Variants in CCNY observed in about 807,000 individuals in gnomAD.
CCNY encodes the protein cyclin-Y.
Under a neutral mutation model 42.8 loss-of-function variants are expected in CCNY, and 19 were observed. The observed-to-expected ratio is 0.44, with a 90% CI of 0.31 to 0.65. CCNY has a LOEUF of 0.65. CCNY is among the 30% of genes least tolerant of loss of function. The probability of loss-of-function intolerance (pLI) is 0.07; values close to 1 mark genes in which losing one functional copy is unlikely to be tolerated. For synonymous variants in CCNY, 165 were observed against 162.7 expected (o/e 1.01, Z -0.11); for missense variants, 370 against 437.3 (o/e 0.85, Z 1.37).
At chr10:35,566,252 G>A (rs1841570367) in intron 9 of CCNY, 67 bp downstream of exon 9, 2 of 1,470,920 alleles carry the variant, frequency 1.4e-6, no homozygotes, top group Non-Finnish European at 1.9e-6. Flanking sequence ...TACCAGAGAT[G>A]CATGTGGTCA....
intron 1 of CCNY, among the ~76,000 whole-genome samples, chr10:35,454,219 G>A (rs1397516633): frequency 2.0e-5 from 3 of 152,220 alleles, no homozygotes; most frequent in South Asian, 2.1e-4. Flanking sequence ...GGTCAAGCTC[G>A]GACACAGTCA....
rs143099639 is a variant in CCNY, at chr10:35,487,696, C to T, written c.229+4218C>T. 3.2e-4 allele frequency among the ~76,000 whole-genome samples: 48 copies of T among 152,090 alleles called. No homozygotes were observed. The East Asian group carries it at 8.1e-3, about 26-fold the overall frequency. Reference sequence around the variant, plus strand: ...TGGTTAAGTAGCCTGCTCATCAGACCCCTCCAGAGGCTGAAGGTAAGGGTA... The same window carrying T: ...TGGTTAAGTAGCCTGCTCATCAGACTCCTCCAGAGGCTGAAGGTAAGGGTA... On this transcript the variant is annotated intron_variant, in intron 2 of 9. Coordinates refer to ENST00000374704, the MANE Select transcript of CCNY (RefSeq NM_145012.6).
intron 3 of CCNY, among the ~76,000 whole-genome samples, chr10:35,313,586 T>C (rs1835715339): frequency 6.6e-6 from 1 of 151,106 alleles, no homozygotes; most frequent in African/African-American, 2.4e-5. Context: ...CTCCACCCAG[T>C]GTGCCCAAGC....
chr10:35,453,468 C>T (rs1378168101), intron 1 of CCNY, among the ~76,000 whole-genome samples: 1 of 152,148 alleles, frequency 6.6e-6, no homozygotes, highest in Non-Finnish European at 1.5e-5. Context: ...GTGTCTAAAG[C>T]CTCCTCTGAA....
At chr10:35,388,697 C>T (rs1589082493) in intron 1 of CCNY, among the ~76,000 whole-genome samples, 1 of 152,228 alleles carries the variant, frequency 6.6e-6, no homozygotes, top group African/African-American at 2.4e-5. Context: ...AATTGCTATG[C>T]ACTTTCTGGC....
chr10:35,567,508 A>C (rs1372748170), intron 9 of CCNY, among the ~76,000 whole-genome samples: 4 of 151,954 alleles, frequency 2.6e-5, no homozygotes, highest in African/African-American at 9.7e-5. Context: ...CATCCCATAG[A>C]GTGTTTCCGA....
At chr10:35,375,773 A>G (rs1180502923) in intron 1 of CCNY, among the ~76,000 whole-genome samples, 2 of 152,208 alleles carry the variant, frequency 1.3e-5, no homozygotes, top group Non-Finnish European at 2.9e-5. Flanking sequence ...AATTGTGTCT[A>G]TAGGTGAAGC....
intron 7 of CCNY, among the ~76,000 whole-genome samples, chr10:35,537,725 C>CG (rs1186940883): frequency 6.6e-6 from 1 of 152,102 alleles, no homozygotes; most frequent in Non-Finnish European, 1.5e-5. Context: ...ACCTGTACCC[C>CG]CATTGTATCT....
chr10:35,503,660 C>G (rs1840156972), intron 3 of CCNY, among the ~76,000 whole-genome samples: 1 of 152,192 alleles, frequency 6.6e-6, no homozygotes, highest in Non-Finnish European at 1.5e-5. Context: ...GTGCCAGGCT[C>G]TGCTGTAATT....
intron 1 of CCNY, among the ~76,000 whole-genome samples, chr10:35,413,565 A>G (rs1046148629): frequency 6.6e-6 from 1 of 152,196 alleles, no homozygotes; most frequent in Non-Finnish European, 1.5e-5. Flanking sequence ...AAAACTTGGA[A>G]GTGTCTGGGA....
chr10:35,487,409 G>C (rs1481698877), intron 2 of CCNY, among the ~76,000 whole-genome samples: 2 of 152,088 alleles, frequency 1.3e-5, no homozygotes, highest in Non-Finnish European at 2.9e-5. Flanking sequence ...CAGACATGCA[G>C]CTCCTGGGTC....
At chr10:35,305,117 C>G (rs963318304) in intron 3 of CCNY, among the ~76,000 whole-genome samples, 19 of 152,188 alleles carry the variant, frequency 1.2e-4, no homozygotes, top group African/African-American at 4.6e-4. Context: ...CGGAGACAGA[C>G]TTGTCAGGAA....
intron 9 of CCNY, among the ~76,000 whole-genome samples, chr10:35,568,002 C>G (rs1435672721): frequency 6.6e-6 from 1 of 152,242 alleles, no homozygotes; most frequent in Non-Finnish European, 1.5e-5. Context: ...CATGAGCCCC[C>G]TCTCAGCCTG....
intron 1 of CCNY, among the ~76,000 whole-genome samples, chr10:35,387,280 TC>T (rs1837318949): frequency 6.6e-6 from 1 of 152,206 alleles, no homozygotes; most frequent in African/African-American, 2.4e-5. Context: ...GATGCTGAGT[TC>T]CTTCCCCATG....
chr10:35,504,132 G>A (rs1352286836), intron 3 of CCNY, among the ~76,000 whole-genome samples: 1 of 152,110 alleles, frequency 6.6e-6, no homozygotes, highest in Non-Finnish European at 1.5e-5. Flanking sequence ...AGTACATGTT[G>A]CTAAGTTAAC....
At chr10:35,455,709 G>A (rs758472511) in intron 1 of CCNY, among the ~76,000 whole-genome samples, 6 of 151,576 alleles carry the variant, frequency 4.0e-5, no homozygotes, top group East Asian at 1.9e-4. Flanking sequence ...ACAGTGCCAC[G>A]CCCATGGCTC....
At chr10:35,333,439 C>G (rs949986976), upstream of CCNY, among the ~76,000 whole-genome samples, 1 of 152,156 alleles carries the variant, frequency 6.6e-6, no homozygotes, top group Non-Finnish European at 1.5e-5. Context: ...AAGATTAGTA[C>G]TAGTCCTAAG....
At chr10:35,261,440 G>A (rs1017410726) in intron 3 of CCNY, among the ~76,000 whole-genome samples, 4 of 151,682 alleles carry the variant, frequency 2.6e-5, no homozygotes, top group Non-Finnish European at 4.4e-5. Flanking sequence ...GTTTTGCCAT[G>A]TTGGCCAGGC....
intron 8 of CCNY, among the ~76,000 whole-genome samples, chr10:35,556,394 TA>T (rs1841363391): frequency 2.0e-5 from 3 of 152,340 alleles, no homozygotes; most frequent in African/African-American, 7.2e-5. Context: ...GGCAAAGTTG[TA>T]ACCTGGCCAG....
Sources: gnomAD v4.1 joint callset for allele counts (sites outside exome capture counted in the v4.1 genomes callset) on GRCh38, gnomAD v4.1.1 for gene constraint, MANE v1.5 for transcripts, NCBI Gene and HGNC (gene_info 2026-07-23, HGNC 2026-07-21) for gene names.